DOK6: variants seen among roughly 807,000 people sequenced by gnomAD.
The protein encoded by DOK6 is downstream of tyrosine kinase 6.
A neutral mutation model predicts 44.0 loss-of-function variants in DOK6; 22 were observed. That is an observed-to-expected ratio of 0.50 (90% CI 0.36 to 0.71). The LOEUF (loss-of-function observed/expected upper bound fraction) is 0.71. DOK6 is among the 30% of genes least tolerant of loss of function. DOK6 has a pLI of 0.00. For missense variants in DOK6, 340 were observed against 416.4 expected (o/e 0.82, Z 1.60); for synonymous variants, 166 against 145.5 (o/e 1.14, Z -1.01).
chr18:69,500,356 G>C (rs1204802191), intron 1 of DOK6, among the ~76,000 whole-genome samples: 4 of 152,086 alleles, frequency 2.6e-5, no homozygotes, highest in African/African-American at 9.7e-5. Flanking sequence ...GACTTGACTT[G>C]TTTCCTTTAT....
chr18:69,562,677 G>T lies in DOK6; in HGVS notation c.67-1810G>T, dbSNP rs895174935. Among the ~76,000 whole-genome samples, 29 of 152,144 alleles carry T rather than the reference G, an allele frequency of 1.9e-4. 1 individual carries two copies. Among genetic ancestry groups the T allele is most frequent in the African/African-American group, 6.8e-4 (28 of 41,426 alleles). ...AGATGGATGAAAGACTTAAATGTCA[G>T]ACCTAAAACCATAAAAACCCTAGAA... On this transcript the variant is annotated intron_variant, in intron 1 of 7. Transcript: ENST00000382713.
intron 1 of DOK6, among the ~76,000 whole-genome samples, chr18:69,561,546 A>G (rs1599192996): frequency 6.6e-6 from 1 of 152,130 alleles, no homozygotes; most frequent in Non-Finnish European, 1.5e-5. Context: ...CTACAACATT[A>G]TGTGTGAAAT....
At chr18:69,518,213 T>G (rs1247906078) in intron 1 of DOK6, among the ~76,000 whole-genome samples, 18 of 152,164 alleles carry the variant, frequency 1.2e-4, no homozygotes, top group Admixed American at 1.2e-3. Flanking sequence ...TTTAAAGGAA[T>G]CTACTGGTAA....
At chr18:69,482,771 T>G (rs1439931733) in intron 1 of DOK6, among the ~76,000 whole-genome samples, 1 of 151,846 alleles carries the variant, frequency 6.6e-6, no homozygotes, top group African/African-American at 2.4e-5. Flanking sequence ...TAAGAAACTA[T>G]ATGAAAAAGG....
At chr18:69,686,627 A>G (rs1200140199) in intron 4 of DOK6, among the ~76,000 whole-genome samples, 1 of 152,180 alleles carries the variant, frequency 6.6e-6, no homozygotes, top group South Asian at 2.1e-4. Context: ...TCAAAATAGT[A>G]TCTTATAGCT....
At chr18:69,592,157 TCA>T (rs1175605695) in intron 2 of DOK6, among the ~76,000 whole-genome samples, 2 of 151,884 alleles carry the variant, frequency 1.3e-5, no homozygotes, top group African/African-American at 4.8e-5. Flanking sequence ...CTTATAGAAA[TCA>T]CTAACAGATA....
Position 69,841,329 on chromosome 18 carries a change from G to A in DOK6, c.942G>A (p.Pro314=), listed in dbSNP as rs780759548. ...AACAGAGTGAAGAGGCCCAGCAGCC[G>A]TTGTCGCGGTCCAGCAGCTATGGAT... ...APEQSEEAQQ[P]LSRSSSYGFS... The change falls in exon 8 of 8, where the codon CCG becomes CCA. Residue 314 remains proline, a synonymous_variant. Coordinates refer to ENST00000382713, the MANE Select transcript of DOK6 (RefSeq NM_152721.6). 24 of 1,614,038 alleles carry A rather than the reference G, an allele frequency of 1.5e-5. No homozygotes were observed. The African/African-American group carries it at 2.1e-4, about 14-fold the overall frequency.
At chr18:69,748,986 C>G (rs58615278) in intron 6 of DOK6, among the ~76,000 whole-genome samples, 2,943 of 152,182 alleles carry the variant, frequency 0.019, 84 homozygotes, top group African/African-American at 0.066. Flanking sequence ...TAAAAGGGAA[C>G]AAGATTATGT....
At chr18:69,538,554 G>A (rs1389442521) in intron 1 of DOK6, among the ~76,000 whole-genome samples, 1 of 151,522 alleles carries the variant, frequency 6.6e-6, no homozygotes, top group Non-Finnish European at 1.5e-5. Context: ...GCTAACTTTT[G>A]CATTTTTGGT....
chr18:69,458,588 G>T (rs1979694534), intron 1 of DOK6, among the ~76,000 whole-genome samples: 1 of 152,130 alleles, frequency 6.6e-6, no homozygotes, highest in Non-Finnish European at 1.5e-5. Flanking sequence ...AATATGAAAT[G>T]AAGTCAAACT....
chr18:69,487,177 A>G (rs866336663), intron 1 of DOK6, among the ~76,000 whole-genome samples: 3,106 of 140,374 alleles, frequency 0.022, 101 homozygotes, highest in African/African-American at 0.079. Flanking sequence ...CTGATAGGAT[A>G]TGTGTGTGTG....
chr18:69,791,250 T>A (rs1216147637), intron 7 of DOK6, among the ~76,000 whole-genome samples: 1 of 152,208 alleles, frequency 6.6e-6, no homozygotes, highest in Admixed American at 6.5e-5. Flanking sequence ...CTTATTTCTT[T>A]TCTTTTGGGA....
chr18:69,742,582 T>C (rs1978842689), intron 6 of DOK6, among the ~76,000 whole-genome samples: 1 of 152,192 alleles, frequency 6.6e-6, no homozygotes, highest in Non-Finnish European at 1.5e-5. Context: ...TAATATTAAC[T>C]GACAACATAT....
chr18:69,488,688 C>T (rs1980652715), intron 1 of DOK6, among the ~76,000 whole-genome samples: 1 of 152,084 alleles, frequency 6.6e-6, no homozygotes, highest in African/African-American at 2.4e-5. Flanking sequence ...ACGACTTATT[C>T]ACTATCAGAA....
intron 3 of DOK6, among the ~76,000 whole-genome samples, chr18:69,613,927 T>C (rs951464504): frequency 6.7e-6 from 1 of 148,390 alleles, no homozygotes; most frequent in African/African-American, 2.5e-5. Flanking sequence ...CAGATCTCAA[T>C]ATATTTATAT....
chr18:69,555,179 A>G (rs1481987571), intron 1 of DOK6, among the ~76,000 whole-genome samples: 3 of 152,116 alleles, frequency 2.0e-5, no homozygotes, highest in African/African-American at 4.8e-5. Flanking sequence ...CTCTACTTTG[A>G]AATCACTGAC....
rs538792365 is a variant in DOK6, at chr18:69,670,515, T to C, written c.290-7219T>C. Reference sequence around the variant, plus strand: ...CCTAAAAAACTTGTGCATCAATTTTTTTTTTTTTTTTTTGAGTCAGAGTCT... The same window carrying C: ...CCTAAAAAACTTGTGCATCAATTTTCTTTTTTTTTTTTTGAGTCAGAGTCT... On this transcript the variant is annotated intron_variant, in intron 3 of 7. Coordinates refer to ENST00000382713, the MANE Select transcript of DOK6 (RefSeq NM_152721.6). Among the ~76,000 whole-genome samples the C allele has an allele frequency of 1.5e-4, 23 of 150,812 alleles. 1 individual carries two copies. In the South Asian group the frequency reaches 4.7e-3, roughly 31 times the overall value.
rs189117955 is a variant in DOK6, at chr18:69,723,848, G to C, written c.600-15117G>C. On this transcript the variant is annotated intron_variant, in intron 5 of 7. Coordinates refer to ENST00000382713, the MANE Select transcript of DOK6 (RefSeq NM_152721.6). The stretch of plus-strand genomic sequence containing the variant: ...CAGGTGACTTTTCCAAGGCATCCAA[G>C]CTGAGCCCAGGGCCTTCGATTCCAC... 1.7e-3 allele frequency among the ~76,000 whole-genome samples: 253 copies of C among 152,292 alleles called. 2 individuals carry two copies. Among genetic ancestry groups the C allele is most frequent in the Non-Finnish European group, 2.9e-4 (20 of 68,016 alleles).
In DOK6 at chr18:69,848,167, C is replaced by T. The variant is rs1982393272; in HGVS notation, c.*6784C>T. The T allele has an allele frequency of 6.6e-6, 1 of 152,074 alleles. No homozygotes were observed. Among genetic ancestry groups the T allele is most frequent in the African/African-American group, 2.4e-5 (1 of 41,388 alleles). 9.4% of individuals were successfully genotyped at this position (152,074 alleles called of 1,614,324 possible). On this transcript the variant is annotated 3_prime_UTR_variant, in exon 8 of 8. Transcript: ENST00000382713. The stretch of plus-strand genomic sequence containing the variant: ...CTGCAAAATCCTTATCCCTATGAAT[C>T]TCTAAAATATATTAAATAATGTGTT...
Sources: allele counts gnomAD v4.1 joint callset (sites outside exome capture counted in the v4.1 genomes callset), GRCh38; gene constraint gnomAD v4.1.1; transcripts MANE v1.5; gene names NCBI Gene and HGNC (gene_info 2026-07-23, HGNC 2026-07-21).